The following PHACTR2 variants were observed in gnomAD, a reference collection of about 807,000 sequenced individuals.
The protein encoded by PHACTR2 is phosphatase and actin regulator 2.
In PHACTR2, 30 loss-of-function variants were observed where a neutral mutation model predicts 76.0. That is an observed-to-expected ratio of 0.39 (90% confidence interval 0.30 to 0.54). PHACTR2 has a LOEUF of 0.54. Ranked by LOEUF, PHACTR2 falls within the 20% of genes least tolerant of loss-of-function variation. PHACTR2 has a pLI of 0.61. For synonymous variants in PHACTR2, 292 were observed against 292.5 expected, an observed-to-expected ratio of 1.00 and a Z score of 0.02; for missense variants, 696 against 781.1, an observed-to-expected ratio of 0.89 and a Z score of 1.30.
chr6:143,771,146 ATATATATATATG>A (rs1207293306), intron 6 of PHACTR2, among the ~76,000 whole-genome samples: 1,894 of 37,660 alleles, frequency 0.05, 68 homozygotes, highest in Admixed American at 0.17. Flanking sequence ...ATATATATGT[ATATATATATATG>A]TATATATATA....
At position 143,658,534 on chromosome 6, in the gene PHACTR2, T is replaced by A. The variant is rs1776889800; in HGVS notation, c.13+50212T>A. 6.6e-6 allele frequency among the ~76,000 whole-genome samples: 1 copy of A among 152,224 alleles called. No individual in the cohort carries two copies. Among genetic ancestry groups the A allele is most frequent in the Admixed American group, 6.5e-5 (1 of 15,280 alleles). On this transcript the variant is annotated intron_variant, in intron 1 of 11. Coordinates refer to the PHACTR2 transcript ENST00000305766. This position sits in a 1 kb window ranked among gnomAD's most constrained non-coding sequence, Gnocchi z 4.1. ...ATGATAGAGTGTATTTTAACAAACC[T>A]GGATGGAATAGCCTACTATACAACC... is the stretch of plus-strand genomic sequence containing the variant.
At chr6:143,636,225 A>T (rs565795259) in intron 1 of PHACTR2, among the ~76,000 whole-genome samples, 2 of 151,956 alleles carry the variant, frequency 1.3e-5, no homozygotes, top group African/African-American at 4.8e-5. Flanking sequence ...AAAAAAAAAA[A>T]AAAATTAAAC....
At chr6:143,725,198 C>CT (rs59963214) in intron 2 of PHACTR2, among the ~76,000 whole-genome samples, 1,078 of 61,840 alleles carry the variant, frequency 0.017, 145 homozygotes, top group Non-Finnish European at 0.02. Flanking sequence ...TTTGTGCTGT[C>CT]TTTTTTTTTT....
intron 11 of PHACTR2, among the ~76,000 whole-genome samples, chr6:143,805,505 C>T (rs1776046008): frequency 2.7e-5 from 4 of 149,084 alleles, no homozygotes; most frequent in Admixed American, 2.0e-4. Context: ...AAAAAACCTC[C>T]TTTCAAGGAA....
intron 1 of PHACTR2, among the ~76,000 whole-genome samples, chr6:143,588,263 T>C (rs9403517): frequency 0.7 from 106,844 of 152,040 alleles, 37,950 homozygotes; most frequent in Middle Eastern, 0.8. Context: ...AATAGAAATA[T>C]AAGTGTCTAC....
In PHACTR2 at chr6:143,556,858, T is replaced by G. The variant is rs1335152690; in HGVS notation, c.217+19651T>G. Among the ~76,000 whole-genome samples the G allele has an allele frequency of 6.6e-6, 1 of 152,236 alleles. No homozygotes were observed. The highest frequency in any genetic ancestry group is 2.4e-5 in the African/African-American group (1 of 41,460). On this transcript the variant is annotated intron_variant, in intron 1 of 11. Coordinates refer to the PHACTR2 transcript ENST00000367584. This position sits in a 1 kb window ranked among gnomAD's most constrained non-coding sequence, Gnocchi z 4.3. ...GTGTGTCATTTAAGAGTAAGTATTC[T>G]TTTTTAAAAATATGGGCCAGGAACT... is the stretch of plus-strand genomic sequence containing the variant.
At chr6:143,582,256 C>T (rs1189098441) in intron 1 of PHACTR2, among the ~76,000 whole-genome samples, 2 of 152,152 alleles carry the variant, frequency 1.3e-5, no homozygotes, top group African/African-American at 2.4e-5. Context: ...AATTCCCATA[C>T]ATTGCTCAAC....
In PHACTR2 at chr6:143,652,499, G is replaced by A. The variant is rs1365375473; in HGVS notation, c.13+44177G>A. On this transcript the variant is annotated intron_variant, in intron 1 of 11. Coordinates refer to the PHACTR2 transcript ENST00000305766. This position sits in a 1 kb window ranked among gnomAD's most constrained non-coding sequence, Gnocchi z 4.5. The stretch of plus-strand genomic sequence containing the variant: ...TAAATGAGAATCTCTTCAAAGTGAT[G>A]CACGCTGTGTTTTTCCCTGTGAGAC... Among the ~76,000 whole-genome samples, 1 of 152,222 alleles carries A rather than the reference G, an allele frequency of 6.6e-6. No homozygotes were observed. The highest frequency in any genetic ancestry group is 1.5e-5 in the Non-Finnish European group (1 of 68,036).
chr6:143,625,649 T>C lies in PHACTR2; in HGVS notation c.13+17327T>C, dbSNP rs1694921503. 6.6e-6 allele frequency among the ~76,000 whole-genome samples: 1 copy of C among 152,192 alleles called. No individual in the cohort carries two copies. Among genetic ancestry groups the C allele is most frequent in the Non-Finnish European group, 1.5e-5 (1 of 67,990 alleles). ...ATGAAGCTTATTAGTTCTTATTTTCTTTGTTTATCATAATTTTAGAATATA... is the reference window on the plus strand; with the variant it reads ...ATGAAGCTTATTAGTTCTTATTTTCCTTGTTTATCATAATTTTAGAATATA... On this transcript the variant is annotated intron_variant, in intron 1 of 11. Coordinates refer to the PHACTR2 transcript ENST00000305766. The surrounding 1 kb of genome is among the most constrained non-coding windows in gnomAD (Gnocchi z 4.3).
Position 143,658,441 on chromosome 6 carries a change from C to A in PHACTR2, c.13+50119C>A, listed in dbSNP as rs1209771354. ...CAGATTTTTTTCAATAAAGTACAAC[C>A]ATGCATTGCTTAAAGACAGGGATAC... On this transcript the variant is annotated intron_variant, in intron 1 of 11. Transcript: ENST00000305766. This position sits in a 1 kb window ranked among gnomAD's most constrained non-coding sequence, Gnocchi z 4.1. Among the ~76,000 whole-genome samples the A allele has an allele frequency of 1.3e-5, 2 of 152,164 alleles. No individual in the cohort carries two copies. The highest frequency in any genetic ancestry group is 4.8e-5 in the African/African-American group (2 of 41,446).
chr6:143,814,008 T>C (rs1343050978), intron 12 of PHACTR2, among the ~76,000 whole-genome samples: 1 of 152,254 alleles, frequency 6.6e-6, no homozygotes, highest in Non-Finnish European at 1.5e-5. Context: ...ACATGTGTTA[T>C]GTACTATGTT....
intron 1 of PHACTR2, among the ~76,000 whole-genome samples, chr6:143,691,707 T>G (rs1266704712): frequency 1.3e-5 from 2 of 152,204 alleles, no homozygotes; most frequent in East Asian, 1.9e-4. Flanking sequence ...TGCTGCATAC[T>G]AATTACTTAA....
At chr6:143,814,486 A>G (rs553164652) in intron 12 of PHACTR2, among the ~76,000 whole-genome samples, 1 of 151,944 alleles carries the variant, frequency 6.6e-6, no homozygotes, top group Admixed American at 6.6e-5. Context: ...TTGCTGTTTC[A>G]GGGGTGGCAG....
Position 143,758,062 on chromosome 6 carries a change from C to T in PHACTR2, c.455-2339C>T, listed in dbSNP as rs1442252137. ...CGTTCGAAGAGTCAAGAGGAGCGGA[C>T]GTATTCTCTAAGGAGCCAGGAGAAA... On this transcript the variant is annotated intron_variant, in intron 4 of 12. Coordinates refer to ENST00000440869, the MANE Select transcript of PHACTR2 (RefSeq NM_001100164.2). Among the ~76,000 whole-genome samples, 11 of 152,234 alleles carry T rather than the reference C, an allele frequency of 7.2e-5. No homozygotes were observed. The South Asian group carries it at 8.3e-4, about 12-fold the overall frequency.
chr6:143,545,275 G>C (rs765304984), intron 1 of PHACTR2, among the ~76,000 whole-genome samples: 15 of 152,174 alleles, frequency 9.9e-5, no homozygotes, highest in South Asian at 2.1e-4. Context: ...CTACCCATGA[G>C]ATCATTAGAA....
chr6:143,787,879 G>A lies in PHACTR2; in HGVS notation c.1708-894G>A, dbSNP rs1334708778. Among the ~76,000 whole-genome samples the A allele has an allele frequency of 6.6e-6, 1 of 152,154 alleles. No homozygotes were observed. Among genetic ancestry groups the A allele is most frequent in the Non-Finnish European group, 1.5e-5 (1 of 68,040 alleles). On this transcript the variant is annotated intron_variant, in intron 10 of 12. Transcript: ENST00000440869. This position sits in a 1 kb window ranked among gnomAD's most constrained non-coding sequence, Gnocchi z 4.6. Reference sequence around the variant, plus strand: ...AAATGGGCCCTATGGCTACAATAGAGGTCTAAGTCTACCTCTCTGGAGATA... The same window carrying A: ...AAATGGGCCCTATGGCTACAATAGAAGTCTAAGTCTACCTCTCTGGAGATA...
At chr6:143,756,642 T>C (rs1002374265) in intron 4 of PHACTR2, among the ~76,000 whole-genome samples, 1 of 144,942 alleles carries the variant, frequency 6.9e-6, no homozygotes, top group Non-Finnish European at 1.5e-5. Context: ...GAGCTTGCAG[T>C]GAGCCGAGAT....
chr6:143,753,790 G>A lies in PHACTR2; in HGVS notation c.332G>A (p.Gly111Glu), dbSNP rs866983258. The A allele has an allele frequency of 3.7e-6, 6 of 1,605,740 alleles. No individual in the cohort carries two copies. In the African/African-American group the frequency reaches 6.7e-5, roughly 18 times the overall value. The part of the protein sequence containing the change: ...DVTVNFENSN[G>E]HMIPIGEEST... The stretch of plus-strand genomic sequence containing the variant: ...ACAGTTAACTTTGAAAATTCAAACG[G>A]GCACATGATACCCATCGGAGAGGAA... Residue 111 changes from glycine (G) to glutamate (E), a missense_variant, in exon 4 of 13, where the codon GGG becomes GAG. By Grantham distance (98) the Gly-to-Glu change is moderately conservative. This residue lies in a region of PHACTR2 where 460 missense variants were observed against 450.9 expected (regional missense o/e 1.02). Transcript: ENST00000440869. This position sits in a 1 kb window ranked among gnomAD's most constrained non-coding sequence, Gnocchi z 4.6.
In PHACTR2 at chr6:143,793,670, G is replaced by A. The variant is rs1775763748; in HGVS notation, c.1845+4760G>A. Among the ~76,000 whole-genome samples the A allele has an allele frequency of 6.6e-6, 1 of 152,038 alleles. No individual in the cohort carries two copies. The highest frequency in any genetic ancestry group is 2.4e-5 in the African/African-American group (1 of 41,386). On this transcript the variant is annotated intron_variant, in intron 11 of 12. Transcript: ENST00000440869. The surrounding 1 kb of genome is among the most constrained non-coding windows in gnomAD (Gnocchi z 4.4). ...GCCTGTAATCCTAGCACTTTGGGAG[G>A]CCAAGGTTTCTTGAGCTCAAGATTT...
Sources: allele counts gnomAD v4.1 joint callset (sites outside exome capture counted in the v4.1 genomes callset), GRCh38; gene constraint gnomAD v4.1.1; regional missense constraint gnomAD v4.1.1; non-coding constraint Gnocchi (gnomAD v3.1); transcripts MANE v1.5; gene names NCBI Gene and HGNC (gene_info 2026-07-23, HGNC 2026-07-21).